Variants in CNTN4 observed in about 807,000 individuals in gnomAD.
CNTN4 encodes the protein contactin 4.
Under a neutral mutation model 122.5 loss-of-function variants are expected in CNTN4, and 77 were observed. The ratio of observed to expected loss-of-function variants is 0.63; its 90% CI spans 0.52 to 0.76. CNTN4 has a LOEUF of 0.76. Among genes scored for constraint, CNTN4 ranks in the 30% least tolerant of loss-of-function variants. The pLI, the probability that CNTN4 is intolerant of heterozygous loss-of-function variation, is 0.00. For missense variants in CNTN4, 1,256 were observed against 1,259.1 expected (o/e 1.00, Z 0.04); for synonymous variants, 512 against 447.0 (o/e 1.15, Z -1.83).
intron 6 of CNTN4, among the ~76,000 whole-genome samples, chr3:2,761,759 C>G (rs1021743234): frequency 8.5e-5 from 13 of 152,064 alleles, no homozygotes. Context: ...CTTCATTTTA[C>G]TCTAACCAGC....
At chr3:2,135,133 G>A (rs1341266241) in intron 2 of CNTN4, among the ~76,000 whole-genome samples, 4 of 152,168 alleles carry the variant, frequency 2.6e-5, no homozygotes, top group African/African-American at 7.2e-5. Flanking sequence ...CTAGGGGCCA[G>A]CATTGAAAAG....
chr3:2,316,347 C>G (rs1484698262), intron 2 of CNTN4, among the ~76,000 whole-genome samples: 1 of 152,070 alleles, frequency 6.6e-6, no homozygotes, highest in African/African-American at 2.4e-5. Context: ...TTTCCCCCCA[C>G]TGATCTATTG....
rs368232815 is a variant in CNTN4, at chr3:2,107,134, A to G, written c.-145+6495A>G. ...TCTAGTAAGTTCCAAACTTTCTGACATCTTCCTGTTTTCTTCTGAGCCCTC... is the reference window on the plus strand; with the variant it reads ...TCTAGTAAGTTCCAAACTTTCTGACGTCTTCCTGTTTTCTTCTGAGCCCTC... On this transcript the variant is annotated intron_variant, in intron 2 of 24. Coordinates refer to ENST00000418658, the MANE Select transcript of CNTN4 (RefSeq NM_175607.3). 6.6e-5 allele frequency among the ~76,000 whole-genome samples: 10 copies of G among 152,328 alleles called. No individual in the cohort carries two copies. The East Asian group carries it at 1.9e-3, about 29-fold the overall frequency.
intron 3 of CNTN4, among the ~76,000 whole-genome samples, chr3:2,340,283 C>G (rs931755019): frequency 6.6e-6 from 1 of 151,938 alleles, no homozygotes; most frequent in Non-Finnish European, 1.5e-5. Flanking sequence ...ATAATCATAA[C>G]ATGGAGTGGA....
chr3:2,613,601 A>C (rs1009923254), intron 4 of CNTN4, among the ~76,000 whole-genome samples: 1 of 152,168 alleles, frequency 6.6e-6, no homozygotes, highest in Non-Finnish European at 1.5e-5. Context: ...TTTTTGGGCA[A>C]TATAAGGACT....
chr3:2,309,264 A>C (rs2042828476), intron 2 of CNTN4, among the ~76,000 whole-genome samples: 1 of 152,122 alleles, frequency 6.6e-6, no homozygotes, highest in African/African-American at 2.4e-5. Flanking sequence ...TGATATTAGT[A>C]ATGCTGTTCC....
intron 2 of CNTN4, among the ~76,000 whole-genome samples, chr3:2,163,792 G>A (rs1259920502): frequency 1.3e-5 from 2 of 152,094 alleles, no homozygotes; most frequent in Non-Finnish European, 2.9e-5. Flanking sequence ...AAACCATAAC[G>A]AGATATAATC....
chr3:2,412,968 C>T (rs75243539), intron 3 of CNTN4, among the ~76,000 whole-genome samples: 1,539 of 152,280 alleles, frequency 0.01, 29 homozygotes, highest in African/African-American at 0.035. Flanking sequence ...TCAGAGTAGA[C>T]AGTAAGCACT....
At chr3:2,610,050 A>T (rs1289677383) in intron 4 of CNTN4, among the ~76,000 whole-genome samples, 1 of 152,170 alleles carries the variant, frequency 6.6e-6, no homozygotes, top group South Asian at 2.1e-4. Flanking sequence ...ATGGTAGGTA[A>T]TTAACTGTCT....
intron 4 of CNTN4, among the ~76,000 whole-genome samples, chr3:2,612,289 G>C (rs1055776897): frequency 5.3e-5 from 8 of 152,050 alleles, no homozygotes; most frequent in African/African-American, 1.9e-4. Flanking sequence ...AACATAATGA[G>C]ATCACTTACC....
At chr3:2,413,423 TGAAA>T (rs1476503406) in intron 3 of CNTN4, among the ~76,000 whole-genome samples, 10 of 152,218 alleles carry the variant, frequency 6.6e-5, no homozygotes, top group African/African-American at 1.7e-4. Flanking sequence ...GTGTTAAGTG[TGAAA>T]GAAAGACAGC....
intron 3 of CNTN4, among the ~76,000 whole-genome samples, chr3:2,510,471 A>G (rs1448066794): frequency 6.6e-6 from 1 of 151,916 alleles, no homozygotes; most frequent in East Asian, 1.9e-4. Flanking sequence ...TTTATCATAC[A>G]GGCTCCTTAA....
At chr3:2,430,849 C>G (rs1417222301) in intron 3 of CNTN4, among the ~76,000 whole-genome samples, 1 of 152,110 alleles carries the variant, frequency 6.6e-6, no homozygotes, top group African/African-American at 2.4e-5. Context: ...CTCAAGAAGA[C>G]AGATGTGCTC....
chr3:2,888,689 T>C (rs570599861), intron 10 of CNTN4, among the ~76,000 whole-genome samples: 1 of 152,208 alleles, frequency 6.6e-6, no homozygotes, highest in South Asian at 2.1e-4. Flanking sequence ...AATTCATGGC[T>C]TCTGTGTATG....
At chr3:2,764,461 G>T (rs1315868230) in intron 6 of CNTN4, among the ~76,000 whole-genome samples, 1 of 152,210 alleles carries the variant, frequency 6.6e-6, no homozygotes, top group Non-Finnish European at 1.5e-5. Context: ...ATTCGAAGAA[G>T]ACCTGCCTGT....
chr3:2,541,468 G>T (rs919106769), intron 3 of CNTN4, among the ~76,000 whole-genome samples: 2 of 151,986 alleles, frequency 1.3e-5, no homozygotes, highest in Non-Finnish European at 2.9e-5. Context: ...GGACAGGCAG[G>T]GTTTATATAA....
chr3:2,177,261 G>A (rs2036788842), intron 2 of CNTN4, among the ~76,000 whole-genome samples: 1 of 152,108 alleles, frequency 6.6e-6, no homozygotes, highest in Non-Finnish European at 1.5e-5. Context: ...ATTACAGGAT[G>A]GAATTCAACA....
At chr3:2,633,071 C>T (rs2082513131) in intron 4 of CNTN4, among the ~76,000 whole-genome samples, 1 of 151,288 alleles carries the variant, frequency 6.6e-6, no homozygotes, top group Admixed American at 6.6e-5. Context: ...CTGCCTTTCG[C>T]TTCAAGTTGA....
rs184702209 is a variant in CNTN4, at chr3:2,275,592, T to C, written c.-144-63586T>C. Among the ~76,000 whole-genome samples the C allele has an allele frequency of 2.0e-3, 302 of 152,262 alleles. 2 individuals are homozygous for C. The highest frequency in any genetic ancestry group is 3.4e-3 in the Middle Eastern group (1 of 294). ...AAGTATATGCAGTGAGTTTCACAAT[T>C]ACATGTTCTTTCATGTGTTTATTTT... On this transcript the variant is annotated intron_variant, in intron 2 of 24. Transcript: ENST00000418658.
Sources: allele counts gnomAD v4.1 joint callset (sites outside exome capture counted in the v4.1 genomes callset), GRCh38; gene constraint gnomAD v4.1.1; transcripts MANE v1.5; gene names NCBI Gene and HGNC (gene_info 2026-07-23, HGNC 2026-07-21).